WDR35: variants seen among roughly 807,000 people sequenced by gnomAD.
WDR35 encodes the protein WD repeat-containing protein 35.
A neutral mutation model predicts 158.3 loss-of-function variants in WDR35; 118 were observed. The ratio of observed to expected loss-of-function variants is 0.75; its 90% CI spans 0.64 to 0.87. The LOEUF is 0.87. Among genes scored for constraint, WDR35 ranks in the 40% least tolerant of loss-of-function variants. WDR35 has a pLI of 0.00. For synonymous variants in WDR35, 448 were observed against 476.1 expected (o/e 0.94, Z 0.77); for missense variants, 1,263 against 1,405.8 (o/e 0.90, Z 1.62).
At chr2:19,959,793 T>C (rs562965818) in intron 11 of WDR35, among the ~76,000 whole-genome samples, 2 of 152,046 alleles carry the variant, frequency 1.3e-5, no homozygotes, top group Non-Finnish European at 2.9e-5. Flanking sequence ...AATAATGCAA[T>C]GGGTTTTTAA....
chr2:19,928,911 A>C (rs1167117002), intron 25 of WDR35, among the ~76,000 whole-genome samples: 1 of 151,496 alleles, frequency 6.6e-6, no homozygotes, highest in African/African-American at 2.4e-5. Flanking sequence ...GGTTCACACC[A>C]TTCTCCTGCT....
intron 16 of WDR35, among the ~76,000 whole-genome samples, chr2:19,945,040 T>C (rs1190751276): frequency 6.6e-6 from 1 of 152,166 alleles, no homozygotes; most frequent in Non-Finnish European, 1.5e-5. Context: ...TCAAAAGTCA[T>C]TTAAAAGATT....
In WDR35 at chr2:19,913,473, A is replaced by G. The variant is rs545493766; in HGVS notation, c.*85T>C. 6.6e-7 allele frequency: 1 copy of G among 1,522,346 alleles called. No homozygotes were observed. Among genetic ancestry groups the G allele is most frequent in the Admixed American group, 1.8e-5 (1 of 56,084 alleles). The allele number at this position is 1,522,346 out of a possible 1,614,324, so 94.3% of individuals were successfully genotyped here. A position where few individuals can be genotyped will look rare whatever the true frequency, so the allele number is the denominator to read the frequency against. ...AGGCTGATTTTCATACAAAACTCAC[A>G]GAAATAAACCTTATTACATATACAG... On this transcript the variant is annotated 3_prime_UTR_variant, in exon 27 of 27. Transcript: ENST00000281405.
rs1669861783 is a variant in WDR35, at chr2:19,912,243, T to G, written c.*1315A>C. The G allele has an allele frequency of 6.6e-6, 1 of 152,242 alleles. No individual in the cohort carries two copies. The highest frequency in any genetic ancestry group is 1.5e-5 in the Non-Finnish European group (1 of 68,038). The allele number at this position is 152,242 out of a possible 1,614,324, so 9.4% of individuals were successfully genotyped here. A position where few individuals can be genotyped will look rare whatever the true frequency, so the allele number is the denominator to read the frequency against. Reference sequence around the variant, plus strand: ...ACCAATGTATTTTGAGAATTTTTATTTGGTTTATAAGGCTTTCTGTTCCAT... The same window carrying G: ...ACCAATGTATTTTGAGAATTTTTATGTGGTTTATAAGGCTTTCTGTTCCAT... On this transcript the variant is annotated 3_prime_UTR_variant, in exon 27 of 27. Coordinates refer to ENST00000281405, the MANE Select transcript of WDR35 (RefSeq NM_020779.4).
chr2:19,955,658 C>A (rs189652602), intron 11 of WDR35, among the ~76,000 whole-genome samples: 6 of 152,276 alleles, frequency 3.9e-5, no homozygotes, highest in Non-Finnish European at 7.4e-5. Flanking sequence ...AACTTAATTT[C>A]TCTATTATAA....
Position 19,913,372 on chromosome 2 carries a change from T to C in WDR35, c.*186A>G. ...TACATTTATATGAAAATCGGCCTTA[T>C]TATTTCACAGTTGTATTGCCATAAA... On this transcript the variant is annotated 3_prime_UTR_variant, in exon 27 of 27. Coordinates refer to ENST00000281405, the MANE Select transcript of WDR35 (RefSeq NM_020779.4). 1 of 598,236 alleles carries C rather than the reference T, an allele frequency of 1.7e-6. No individual in the cohort carries two copies. The highest frequency in any genetic ancestry group is 2.7e-6 in the Non-Finnish European group (1 of 368,064). 37.1% of individuals were successfully genotyped at this position (598,236 alleles called of 1,614,324 possible). A position where few individuals can be genotyped will look rare whatever the true frequency, so the allele number is the denominator to read the frequency against.
In WDR35 at chr2:19,951,484, T is replaced by A; in HGVS notation, c.1401A>T (p.Arg467Ser). Residue 467 changes from arginine (R) to serine (S), a missense_variant and splice_region_variant, in exon 13 of 27, where the codon AGA (arginine) becomes AGT (serine). Coordinates refer to ENST00000281405, the MANE Select transcript of WDR35 (RefSeq NM_020779.4). ...AAGGGGTATCATCAACATGATAAAT[T>A]CTGCAAAAAAGATCAGAATTTCAAA... ...ITRSRKEGRE[R>S]IYHVDDTPSG... 1 of 1,609,638 alleles carries A rather than the reference T, an allele frequency of 6.2e-7. No individual in the cohort carries two copies. Among genetic ancestry groups the A allele is most frequent in the East Asian group, 2.2e-5 (1 of 44,656 alleles).
rs1669926464 is a variant in WDR35, at chr2:19,914,211, C to T, written c.3188G>A (p.Cys1063Tyr). The T allele has an allele frequency of 6.2e-7, 1 of 1,614,076 alleles. No individual in the cohort carries two copies. The highest frequency in any genetic ancestry group is 2.2e-5 in the East Asian group (1 of 44,874). The change falls in exon 26 of 27, where the codon TGC (cysteine) becomes TAC (tyrosine). Residue 1063 changes from cysteine to tyrosine, a missense_variant. Physicochemically the swap from Cys to Tyr is radical, Grantham distance 194. Transcript: ENST00000281405. ...CCCAAAGGCTCTGCTGGCGCATGCG[C>T]AGAGTGCTAGCAGAGAGTAGATCTC... ...PVEIYSLLAL[C>Y]ACASRAFGTC... is the part of the protein sequence containing the mutation.
chr2:19,915,081 T>A (rs183778985), intron 25 of WDR35, among the ~76,000 whole-genome samples: 1 of 152,180 alleles, frequency 6.6e-6, no homozygotes, highest in African/African-American at 2.4e-5. Context: ...ACTTAAAGTA[T>A]AATAAAAAAA....
chr2:19,986,508 A>G (rs1672570183), intron 2 of WDR35, among the ~76,000 whole-genome samples: 1 of 152,236 alleles, frequency 6.6e-6, no homozygotes, highest in African/African-American at 2.4e-5. Context: ...ATATAACAAT[A>G]ACTTAAACAT....
In WDR35 at chr2:19,928,407, G is replaced by A. The variant is rs1036436354; in HGVS notation, c.3121+1989C>T. Among the ~76,000 whole-genome samples the A allele has an allele frequency of 1.5e-4, 23 of 152,176 alleles. 1 individual carries two copies. The highest frequency in any genetic ancestry group is 5.9e-4 in the Admixed American group (9 of 15,278). ...CGGGGCTCTCAGCTCTGAAGGTTGT[G>A]AGACCCCTGATTTCCCACTTCACAC... On this transcript the variant is annotated intron_variant, in intron 25 of 26. Coordinates refer to ENST00000281405, the MANE Select transcript of WDR35 (RefSeq NM_020779.4).
At chr2:19,969,200 G>C (rs1288213952) in intron 9 of WDR35, among the ~76,000 whole-genome samples, 1 of 152,138 alleles carries the variant, frequency 6.6e-6, no homozygotes, top group Admixed American at 6.5e-5. Context: ...ATCCCTTACT[G>C]TTCCCTTTAG....
chr2:19,980,130 T>A (rs1302375449), intron 4 of WDR35, among the ~76,000 whole-genome samples: 3 of 152,242 alleles, frequency 2.0e-5, no homozygotes, highest in African/African-American at 7.2e-5. Context: ...AAGTGAATTA[T>A]TCCCTTTGAC....
intron 5 of WDR35, among the ~76,000 whole-genome samples, chr2:19,977,802 G>C (rs530146308): frequency 3.7e-4 from 56 of 152,190 alleles, no homozygotes; most frequent in African/African-American, 1.3e-3. Flanking sequence ...ACTCTTCACT[G>C]TTAGTATTAT....
chr2:19,933,265 A>C (rs955977884), intron 22 of WDR35, 136 bp downstream of exon 22: 2 of 752,038 alleles, frequency 2.7e-6, no homozygotes, highest in Admixed American at 4.3e-5. Context: ...GGCTCCTTTC[A>C]TAAAATTCAC....
chr2:19,932,981 A>G (rs1670569798), intron 22 of WDR35, among the ~76,000 whole-genome samples: 1 of 152,236 alleles, frequency 6.6e-6, no homozygotes, highest in Non-Finnish European at 1.5e-5. Flanking sequence ...GGAAAAGGAA[A>G]ACAGATTTGC....
rs144493712 is a variant in WDR35, at chr2:19,937,861, T to G, written c.2149A>C (p.Ile717Leu). ...AFVRCKDYQG[I>L]KFVKRLGKLL... Reference sequence around the variant, plus strand: ...TTGCCCAAGCGCTTCACAAACTTAATGCCTTGGTAATCTTTGCAGCGCACA... The same window carrying G: ...TTGCCCAAGCGCTTCACAAACTTAAGGCCTTGGTAATCTTTGCAGCGCACA... Residue 717 changes from isoleucine (I) to leucine (L), a missense_variant, in exon 19 of 27, where the codon ATT becomes CTT. Ile to Leu is a conservative substitution (Grantham distance 5). Coordinates refer to ENST00000281405, the MANE Select transcript of WDR35 (RefSeq NM_020779.4). 3.1e-6 allele frequency: 5 copies of G among 1,614,050 alleles called. No individual in the cohort carries two copies. The highest frequency in any genetic ancestry group is 4.2e-6 in the Non-Finnish European group (5 of 1,180,014).
At chr2:19,945,704 T>C (rs182039895) in intron 16 of WDR35, 82 bp downstream of exon 16, 3 of 1,526,762 alleles carry the variant, frequency 2.0e-6, no homozygotes, top group African/African-American at 2.7e-5. Context: ...ACAAACTTCT[T>C]AAAGAAACAA....
chr2:19,952,849 C>T (rs1371946392), intron 12 of WDR35, among the ~76,000 whole-genome samples: 1 of 123,682 alleles, frequency 8.1e-6, no homozygotes, highest in Non-Finnish European at 1.6e-5. Context: ...AGTGCAGTGG[C>T]GGGATCTCGG....
Sources: allele counts gnomAD v4.1 joint callset (sites outside exome capture counted in the v4.1 genomes callset), GRCh38; gene constraint gnomAD v4.1.1; transcripts MANE v1.5; gene names NCBI Gene and HGNC (gene_info 2026-07-23, HGNC 2026-07-21).